The following RIT2 variants were observed in gnomAD, a reference collection of about 807,000 sequenced individuals.
The protein encoded by RIT2 is GTP-binding protein Rit2.
Under a neutral mutation model 23.7 loss-of-function variants are expected in RIT2, and 24 were observed. The observed-to-expected ratio is 1.01, with a 90% CI of 0.73 to 1.43. The LOEUF is 1.43. Ranked by LOEUF, RIT2 falls within the 40% of genes most tolerant of loss-of-function variation. The pLI is 0.00. For synonymous variants in RIT2, 107 were observed against 91.1 expected (o/e 1.17, Z -0.99); for missense variants, 236 against 266.9 (o/e 0.88, Z 0.81).
intron 2 of RIT2, among the ~76,000 whole-genome samples, chr18:43,028,742 T>C (rs949287616): frequency 1.6e-4 from 25 of 151,962 alleles, no homozygotes; most frequent in African/African-American, 5.1e-4. Flanking sequence ...TCTAGAATAA[T>C]TGGATACATT....
At chr18:42,794,026 A>G (rs955176350) in intron 4 of RIT2, among the ~76,000 whole-genome samples, 2 of 151,954 alleles carry the variant, frequency 1.3e-5, no homozygotes, top group African/African-American at 4.8e-5. Context: ...ACTGTCGTAT[A>G]CTTAAATTTT....
chr18:42,879,833 C>T (rs761744940), intron 4 of RIT2, among the ~76,000 whole-genome samples: 1 of 152,104 alleles, frequency 6.6e-6, no homozygotes, highest in Non-Finnish European at 1.5e-5. Context: ...TTGTCAATTG[C>T]AGGCTTCGAT....
intron 1 of RIT2, 51 bp downstream of exon 1, chr18:43,115,366 G>A (rs770971208): frequency 6.2e-7 from 1 of 1,605,394 alleles, no homozygotes; most frequent in South Asian, 1.1e-5. Flanking sequence ...ACTCTATAGA[G>A]TTGTCTCTAT....
intron 4 of RIT2, among the ~76,000 whole-genome samples, chr18:42,822,893 C>G (rs1190947539): frequency 6.6e-6 from 1 of 152,066 alleles, no homozygotes. Flanking sequence ...AAGAGAATAA[C>G]AACTACAATA....
intron 4 of RIT2, among the ~76,000 whole-genome samples, chr18:42,762,231 G>A (rs1474647285): frequency 6.6e-6 from 1 of 152,044 alleles, no homozygotes; most frequent in East Asian, 1.9e-4. Flanking sequence ...CTTCTAATAT[G>A]GAAAATATAG....
At chr18:42,751,666 G>A (rs531808905) in intron 4 of RIT2, among the ~76,000 whole-genome samples, 31 of 151,806 alleles carry the variant, frequency 2.0e-4, no homozygotes, top group South Asian at 1.7e-3. Context: ...AGGAATCATC[G>A]ACCATCTAAT....
chr18:42,789,515 G>A (rs1913994893), intron 4 of RIT2, among the ~76,000 whole-genome samples: 1 of 152,090 alleles, frequency 6.6e-6, no homozygotes. Context: ...TTTCATTGAT[G>A]TTTTGCAGTT....
At chr18:43,027,541 A>G (rs1054921203) in intron 2 of RIT2, among the ~76,000 whole-genome samples, 3 of 152,012 alleles carry the variant, frequency 2.0e-5, no homozygotes, top group Non-Finnish European at 4.4e-5. Context: ...AGTGGTGGGT[A>G]GCTTTAGAAG....
chr18:43,046,767 A>C (rs1912257889), intron 1 of RIT2, among the ~76,000 whole-genome samples: 1 of 152,232 alleles, frequency 6.6e-6, no homozygotes. Flanking sequence ...GTACTCAACC[A>C]AAACAACATA....
intron 4 of RIT2, among the ~76,000 whole-genome samples, chr18:42,777,299 AAAG>A (rs1393717368): frequency 1.3e-5 from 2 of 150,718 alleles, no homozygotes; most frequent in Non-Finnish European, 3.0e-5. Flanking sequence ...AAAAAAAAAA[AAAG>A]AAAGAGAGAA....
At position 42,929,059 on chromosome 18, in the gene RIT2, T is replaced by TATATATATATATA. The variant is rs1307173363; in HGVS notation, c.235-5297_235-5296insTATATATATATAT. On this transcript the variant is annotated intron_variant, in intron 3 of 4. Coordinates refer to ENST00000326695, the MANE Select transcript of RIT2 (RefSeq NM_002930.4). ...GATATATATATATATATATATATAT[T>TATATATATATATA]TATATGAGACAAATAAAAATTAGAG... Among the ~76,000 whole-genome samples, 202 of 50,116 alleles carry TATATATATATATA rather than the reference T, an allele frequency of 4.0e-3. 1 individual carries two copies. Among genetic ancestry groups the TATATATATATATA allele is most frequent in the African/African-American group, 0.011 (178 of 16,408 alleles). 32.9% of individuals were successfully genotyped at this position (50,116 alleles called of 152,430 possible).
At chr18:42,955,041 A>G (rs2144178415) in intron 3 of RIT2, among the ~76,000 whole-genome samples, 1 of 152,282 alleles carries the variant, frequency 6.6e-6, no homozygotes, top group East Asian at 1.9e-4. Context: ...CTCCATGCAG[A>G]TATGAGGAGG....
chr18:43,043,631 A>T (rs945357424), intron 1 of RIT2, among the ~76,000 whole-genome samples: 1 of 151,986 alleles, frequency 6.6e-6, no homozygotes, highest in Non-Finnish European at 1.5e-5. Context: ...TCTCTATTAA[A>T]AATACAAAAT....
intron 4 of RIT2, among the ~76,000 whole-genome samples, chr18:42,839,224 T>C (rs1020970066): frequency 7.9e-5 from 12 of 152,068 alleles, no homozygotes; most frequent in African/African-American, 2.9e-4. Flanking sequence ...TTAGGATCAA[T>C]ACCCCTAATG....
At chr18:43,042,261 A>G (rs1299510971) in intron 1 of RIT2, among the ~76,000 whole-genome samples, 1 of 152,180 alleles carries the variant, frequency 6.6e-6, no homozygotes, top group Non-Finnish European at 1.5e-5. Context: ...AAGAGAGATA[A>G]CTTAAAACCG....
chr18:42,818,632 C>T (rs1906062644), intron 4 of RIT2, among the ~76,000 whole-genome samples: 1 of 151,980 alleles, frequency 6.6e-6, no homozygotes, highest in Admixed American at 6.6e-5. Context: ...TCAAGAAGCA[C>T]AGAAACAGAG....
intron 4 of RIT2, among the ~76,000 whole-genome samples, chr18:42,918,725 A>T (rs1908977827): frequency 1.3e-5 from 2 of 152,146 alleles, no homozygotes; most frequent in Admixed American, 1.3e-4. Flanking sequence ...AGGACGCTTG[A>T]TATGTGTGTA....
intron 1 of RIT2, among the ~76,000 whole-genome samples, chr18:43,086,618 C>T (rs62090491): frequency 0.08 from 12,157 of 152,158 alleles, 631 homozygotes; most frequent in East Asian, 0.18. Flanking sequence ...GACCACATCT[C>T]TCTCCACAAA....
intron 4 of RIT2, among the ~76,000 whole-genome samples, chr18:42,777,135 AT>A (rs1430700482): frequency 2.0e-5 from 3 of 152,092 alleles, no homozygotes; most frequent in Non-Finnish European, 4.4e-5. Flanking sequence ...ATAATGTGCT[AT>A]TTACTGAGAT....
Sources: allele counts gnomAD v4.1 joint callset (sites outside exome capture counted in the v4.1 genomes callset), GRCh38; gene constraint gnomAD v4.1.1; transcripts MANE v1.5; gene names NCBI Gene and HGNC (gene_info 2026-07-23, HGNC 2026-07-21).